Variants in FRS2 observed in about 807,000 individuals in gnomAD.
FRS2 encodes the protein fibroblast growth factor receptor substrate 2.
In FRS2, 8 loss-of-function variants were observed where a neutral mutation model predicts 43.9. That is an observed-to-expected ratio of 0.18 (90% confidence interval 0.11 to 0.33). FRS2 has a LOEUF of 0.33. FRS2 is among the 10% of genes least tolerant of loss of function. The pLI is 1.00. For synonymous variants in FRS2, 219 were observed against 220.3 expected, an observed-to-expected ratio of 0.99 and a Z score of 0.05; for missense variants, 534 against 627.6, an observed-to-expected ratio of 0.85 and a Z score of 1.59.
At chr12:69,556,292 A>G (rs955699893) in intron 3 of FRS2, among the ~76,000 whole-genome samples, 2 of 152,026 alleles carry the variant, frequency 1.3e-5, no homozygotes, top group African/African-American at 2.4e-5. Flanking sequence ...ATACATTTCT[A>G]TATTCAGTTT....
chr12:69,483,495 AAT>A (rs1242445549), intron 1 of FRS2, among the ~76,000 whole-genome samples: 1 of 152,344 alleles, frequency 6.6e-6, no homozygotes, highest in African/African-American at 2.4e-5. Flanking sequence ...AGTTTACAAA[AAT>A]AGAAAAAAAT....
chr12:69,544,191 A>G (rs907420991), intron 3 of FRS2, among the ~76,000 whole-genome samples: 1 of 151,942 alleles, frequency 6.6e-6, no homozygotes, highest in African/African-American at 2.4e-5. Flanking sequence ...AAAAATCCTC[A>G]ACAAAACCAA....
intron 1 of FRS2, among the ~76,000 whole-genome samples, chr12:69,487,113 C>T (rs2120862406): frequency 6.6e-6 from 1 of 152,314 alleles, no homozygotes; most frequent in South Asian, 2.1e-4. Flanking sequence ...CTGGCCTCGC[C>T]TCCTTATGCA....
At chr12:69,512,880 A>G (rs776457425) in intron 1 of FRS2, among the ~76,000 whole-genome samples, 25 of 152,204 alleles carry the variant, frequency 1.6e-4, no homozygotes, top group Non-Finnish European at 2.9e-4. Context: ...CTTTGGATTT[A>G]GTATTTTCTT....
intron 1 of FRS2, among the ~76,000 whole-genome samples, chr12:69,498,080 T>A (rs190119479): frequency 2.0e-4 from 30 of 152,346 alleles, no homozygotes; most frequent in African/African-American, 6.5e-4. Flanking sequence ...CTCATTTTTT[T>A]ATGTGAGATT....
intron 1 of FRS2, among the ~76,000 whole-genome samples, chr12:69,486,541 G>A (rs1009673114): frequency 3.3e-5 from 5 of 152,138 alleles, no homozygotes; most frequent in Non-Finnish European, 7.3e-5. Flanking sequence ...TTAGTCCTAT[G>A]ATGGCCTCTA....
intron 3 of FRS2, among the ~76,000 whole-genome samples, chr12:69,534,900 G>A (rs569852779): frequency 1.3e-5 from 2 of 152,270 alleles, no homozygotes; most frequent in Admixed American, 1.3e-4. Flanking sequence ...TTGCTTGATA[G>A]ATACATATTT....
intron 1 of FRS2, among the ~76,000 whole-genome samples, chr12:69,471,353 G>C (rs1870275329): frequency 6.6e-6 from 1 of 152,050 alleles, no homozygotes; most frequent in African/African-American, 2.4e-5. Context: ...TCATTCAGAG[G>C]CTGTACGAAT....
chr12:69,517,152 A>G (rs1875137644), intron 1 of FRS2, among the ~76,000 whole-genome samples: 1 of 152,236 alleles, frequency 6.6e-6, no homozygotes, highest in South Asian at 2.1e-4. Flanking sequence ...TGTGTGCAGA[A>G]TGATGATAGT....
intron 1 of FRS2, among the ~76,000 whole-genome samples, chr12:69,493,153 C>T (rs1360769588): frequency 6.6e-6 from 1 of 152,096 alleles, no homozygotes. Flanking sequence ...ATAGGAACTG[C>T]TATTTTTCTA....
At chr12:69,488,833 G>T (rs73341711) in intron 1 of FRS2, among the ~76,000 whole-genome samples, 1,923 of 152,252 alleles carry the variant, frequency 0.013, 33 homozygotes, top group African/African-American at 0.044. Context: ...ACTGGTTTGG[G>T]AATGGACTGC....
At chr12:69,559,987 A>T (rs1044924054) in intron 3 of FRS2, among the ~76,000 whole-genome samples, 1 of 152,206 alleles carries the variant, frequency 6.6e-6, no homozygotes, top group African/African-American at 2.4e-5. Context: ...CCTCATTGCT[A>T]GTGAACCAAA....
At chr12:69,484,225 C>T (rs903750779) in intron 1 of FRS2, among the ~76,000 whole-genome samples, 1 of 152,022 alleles carries the variant, frequency 6.6e-6, no homozygotes, top group East Asian at 1.9e-4. Context: ...GCTGGGACTA[C>T]AGGCGCCCAC....
intron 1 of FRS2, among the ~76,000 whole-genome samples, chr12:69,511,268 A>T (rs1340650024): frequency 6.6e-6 from 1 of 152,216 alleles, no homozygotes; most frequent in Non-Finnish European, 1.5e-5. Context: ...CAGTCAATGA[A>T]TACTTGCTTA....
intron 4 of FRS2, among the ~76,000 whole-genome samples, chr12:69,568,612 T>G (rs1880494729): frequency 6.6e-6 from 1 of 152,082 alleles, no homozygotes; most frequent in African/African-American, 2.4e-5. Context: ...TCTCTCTCTC[T>G]CTTTAAAGAA....
intron 1 of FRS2, among the ~76,000 whole-genome samples, chr12:69,501,650 C>T (rs1873452860): frequency 6.6e-6 from 1 of 152,164 alleles, no homozygotes; most frequent in African/African-American, 2.4e-5. Context: ...TAGAAATATG[C>T]TCCACTGCTC....
chr12:69,476,664 G>A (rs944722397), intron 1 of FRS2, among the ~76,000 whole-genome samples: 4 of 150,028 alleles, frequency 2.7e-5, no homozygotes, highest in Non-Finnish European at 5.9e-5. Flanking sequence ...ATGAACATAA[G>A]TGCTTATTGA....
chr12:69,565,115 A>G (rs982216213), intron 4 of FRS2, among the ~76,000 whole-genome samples: 4 of 152,234 alleles, frequency 2.6e-5, no homozygotes, highest in African/African-American at 4.8e-5. Context: ...GGTATAGCCT[A>G]TAGCTCCTAC....
intron 1 of FRS2, among the ~76,000 whole-genome samples, chr12:69,506,985 C>A (rs1378079138): frequency 6.6e-6 from 1 of 152,138 alleles, no homozygotes; most frequent in East Asian, 1.9e-4. Flanking sequence ...ATGCTCAGCC[C>A]CACCACGTGA....
Sources: gnomAD v4.1 joint callset for allele counts (sites outside exome capture counted in the v4.1 genomes callset) on GRCh38, gnomAD v4.1.1 for gene constraint, MANE v1.5 for transcripts, NCBI Gene and HGNC (gene_info 2026-07-23, HGNC 2026-07-21) for gene names.